Variants in ISY1 observed in about 807,000 individuals in gnomAD.
ISY1 encodes the protein ISY1 spliceosome associated protein.
A neutral mutation model predicts 54.4 loss-of-function variants in ISY1; 12 were observed. The observed-to-expected ratio is 0.22, with a 90% confidence interval of 0.14 to 0.36. The LOEUF (loss-of-function observed/expected upper bound fraction) is 0.36. Among genes scored for constraint, ISY1 ranks in the 10% least tolerant of loss-of-function variants. The pLI is 1.00. For synonymous variants in ISY1, 96 were observed against 117.9 expected, an observed-to-expected ratio of 0.81 and a Z score of 1.20; for missense variants, 282 against 342.2, an observed-to-expected ratio of 0.82 and a Z score of 1.39.
rs542853542 is a variant in ISY1, at chr3:129,142,181, T to C, written c.301-1696A>G. ...GATCGCACGCCACTGCACTCCAGCC[T>C]GGACGACAGAGCGAGACTCTGTCTC... is the stretch of plus-strand genomic sequence containing the variant. On this transcript the variant is annotated intron_variant, in intron 6 of 10. Transcript: ENST00000393295. Among the ~76,000 whole-genome samples the C allele has an allele frequency of 6.2e-5, 9 of 144,512 alleles. No homozygotes were observed. The South Asian group carries it at 2.0e-3, about 32-fold the overall frequency. The allele number at this position is 144,512 out of a possible 152,430, so 94.8% of individuals were successfully genotyped here.
At chr3:129,146,931 T>A (rs766272692) in intron 5 of ISY1, among the ~76,000 whole-genome samples, 2 of 151,962 alleles carry the variant, frequency 1.3e-5, no homozygotes, top group Non-Finnish European at 2.9e-5. Context: ...TGGTGGCACA[T>A]GCCTGTGGTT....
intron 9 of ISY1, among the ~76,000 whole-genome samples, chr3:129,132,945 G>C (rs1936277590): frequency 6.6e-6 from 1 of 152,168 alleles, no homozygotes; most frequent in African/African-American, 2.4e-5. Flanking sequence ...CTTCACCAGT[G>C]ATGTCTCAGC....
At chr3:129,144,072 G>A in intron 6 of ISY1, 1 of 344,414 alleles carries the variant, frequency 2.9e-6, no homozygotes, top group Non-Finnish European at 5.9e-6. Context: ...TCATACCTGA[G>A]ACCACTTTTC....
At chr3:129,160,018 G>C (rs146585450) in intron 1 of ISY1, among the ~76,000 whole-genome samples, 58 of 152,158 alleles carry the variant, frequency 3.8e-4, no homozygotes, top group African/African-American at 1.3e-3. Context: ...TCACAGAAAC[G>C]GCTACTACTT....
intron 6 of ISY1, chr3:129,144,173 C>T (rs754265528): frequency 4.5e-6 from 2 of 440,142 alleles, no homozygotes; most frequent in South Asian, 3.2e-5. Context: ...CAAGGGCTCA[C>T]TCTGGCAGGA....
Position 129,137,819 on chromosome 3 carries a change from G to A in ISY1, c.418+2549C>T, listed in dbSNP as rs547183034. ...CCCAGCTACTCGGGAGGCTGAGGCA[G>A]GAGAATGGCGTAAACCCGGGAGGCA... On this transcript the variant is annotated intron_variant, in intron 7 of 10. Transcript: ENST00000393295. Among the ~76,000 whole-genome samples, 69 of 149,788 alleles carry A rather than the reference G, an allele frequency of 4.6e-4. 1 individual carries two copies. In the South Asian group the frequency reaches 0.014, roughly 30 times the overall value.
chr3:129,140,764 T>C (rs150071041), intron 6 of ISY1, among the ~76,000 whole-genome samples: 2,954 of 150,880 alleles, frequency 0.02, 80 homozygotes, highest in African/African-American at 0.067. Flanking sequence ...AGAGACGGGG[T>C]TTCACCATGT....
At chr3:129,143,003 C>G (rs1243869663) in intron 6 of ISY1, among the ~76,000 whole-genome samples, 1 of 152,166 alleles carries the variant, frequency 6.6e-6, no homozygotes, top group Admixed American at 6.5e-5. Context: ...TGCAGTGAGT[C>G]GAAATCACAC....
intron 6 of ISY1, among the ~76,000 whole-genome samples, chr3:129,141,763 A>T (rs1936623510): frequency 6.6e-6 from 1 of 151,626 alleles, no homozygotes. Context: ...CAAAAAAATA[A>T]AATAAAATAA....
intron 3 of ISY1, among the ~76,000 whole-genome samples, chr3:129,157,611 C>T (rs994791689): frequency 1.7e-4 from 25 of 150,918 alleles, no homozygotes; most frequent in Non-Finnish European, 5.9e-5. Flanking sequence ...ATTCCAGCTA[C>T]TCAGGAGGCT....
At chr3:129,160,660 G>A (rs1051937074) in intron 1 of ISY1, among the ~76,000 whole-genome samples, 3 of 151,976 alleles carry the variant, frequency 2.0e-5, no homozygotes, top group Admixed American at 6.6e-5. Context: ...ACAAACAGCC[G>A]GCCCACACTA....
Position 129,130,181 on chromosome 3 carries a change from T to A in ISY1, c.758A>T (p.Glu253Val), listed in dbSNP as rs1160862203. ...VPVPSQQEIE[E>V]ALVRRKKMEL... is the part of the protein sequence containing the mutation. ...CATTTTCTTCCTTCGCACCAGTGCC[T>A]CCTCAATCTGTGGAAATTAAGAGTG... The change falls in exon 11 of 11, where the codon GAG (glutamate) becomes GTG (valine). Residue 253 changes from glutamate to valine, a missense_variant. Glu to Val is a moderately radical substitution (Grantham distance 121, BLOSUM62 -2). Transcript: ENST00000393295. 6.2e-7 allele frequency: 1 copy of A among 1,607,086 alleles called. No homozygotes were observed. The highest frequency in any genetic ancestry group is 1.1e-5 in the South Asian group (1 of 90,010).
intron 7 of ISY1, among the ~76,000 whole-genome samples, chr3:129,136,066 A>G (rs1295264298): frequency 6.6e-6 from 1 of 152,048 alleles, no homozygotes; most frequent in Non-Finnish European, 1.5e-5. Context: ...CCTAAAGAAG[A>G]TATTTTCAGA....
At chr3:129,152,410 GT>G (rs796980721) in intron 5 of ISY1, among the ~76,000 whole-genome samples, 7 of 145,268 alleles carry the variant, frequency 4.8e-5, no homozygotes, top group Non-Finnish European at 7.6e-5. Flanking sequence ...GCTAGGTTTT[GT>G]TTTTTTTTTT....
chr3:129,147,661 T>C (rs1254725100), intron 5 of ISY1, among the ~76,000 whole-genome samples: 1 of 152,156 alleles, frequency 6.6e-6, no homozygotes, highest in Non-Finnish European at 1.5e-5. Flanking sequence ...AACAATACTT[T>C]TTGGTACACA....
chr3:129,130,284 C>T, intron 10 of ISY1, 96 bp from the exon 11 acceptor site: 2 of 1,463,294 alleles, frequency 1.4e-6, no homozygotes, highest in South Asian at 2.8e-5. Context: ...AGAAGTCCAT[C>T]AAGGAGTCTG....
At chr3:129,136,686 T>C (rs1442589547) in intron 7 of ISY1, among the ~76,000 whole-genome samples, 7 of 148,614 alleles carry the variant, frequency 4.7e-5, no homozygotes, top group African/African-American at 1.2e-4. Flanking sequence ...TATTTTCTTC[T>C]TCTTCTTTTT....
chr3:129,130,018 A>C lies in ISY1; in HGVS notation c.*63T>G. ...CCTTGCAGCACCAGCCTGTGTCTGC[A>C]GCCCTGGGTCCTGAGGTACCACTGG... On this transcript the variant is annotated 3_prime_UTR_variant, in exon 11 of 11. Transcript: ENST00000393295. 3 of 1,308,804 alleles carry C rather than the reference A, an allele frequency of 2.3e-6. No individual in the cohort carries two copies. Among genetic ancestry groups the C allele is most frequent in the Non-Finnish European group, 3.1e-6 (3 of 954,616 alleles). The allele number at this position is 1,308,804 out of a possible 1,614,324, so 81.1% of individuals were successfully genotyped here.
chr3:129,130,003 C>G lies in ISY1; in HGVS notation c.*78G>C. 8.6e-7 allele frequency: 1 copy of G among 1,161,068 alleles called. No homozygotes were observed. The highest frequency in any genetic ancestry group is 1.2e-6 in the Non-Finnish European group (1 of 823,914). The allele number at this position is 1,161,068 out of a possible 1,614,324, so 71.9% of individuals were successfully genotyped here. Reference sequence around the variant, plus strand: ...GAATGGGGCAGGAGCCCTTGCAGCACCAGCCTGTGTCTGCAGCCCTGGGTC... The same window carrying G: ...GAATGGGGCAGGAGCCCTTGCAGCAGCAGCCTGTGTCTGCAGCCCTGGGTC... On this transcript the variant is annotated 3_prime_UTR_variant, in exon 11 of 11. Coordinates refer to ENST00000393295, the MANE Select transcript of ISY1 (RefSeq NM_020701.4).
Sources: allele counts gnomAD v4.1 joint callset (sites outside exome capture counted in the v4.1 genomes callset), GRCh38; gene constraint gnomAD v4.1.1; transcripts MANE v1.5; gene names NCBI Gene and HGNC (gene_info 2026-07-23, HGNC 2026-07-21).